Variants in MECOM observed in about 807,000 individuals in gnomAD.
MECOM encodes histone-lysine N-methyltransferase MECOM.
In MECOM, 13 loss-of-function variants were observed where a neutral mutation model predicts 116.3. The observed-to-expected ratio is 0.11, with a 90% CI of 0.07 to 0.18. The LOEUF is 0.18. Among genes scored for constraint, MECOM ranks in the 10% least tolerant of loss-of-function variants. MECOM has a pLI of 1.00. For synonymous variants in MECOM, 528 were observed against 535.2 expected (o/e 0.99, Z 0.19); for missense variants, 1,299 against 1,509.0 (o/e 0.86, Z 2.31).
chr3:169,181,079 G>A (rs930850436), intron 2 of MECOM, among the ~76,000 whole-genome samples: 2 of 152,072 alleles, frequency 1.3e-5, no homozygotes, highest in Non-Finnish European at 2.9e-5. Context: ...TAACTAACCT[G>A]TGAGGTACAT....
intron 1 of MECOM, among the ~76,000 whole-genome samples, chr3:169,517,989 A>G (rs571648347): frequency 1.1e-4 from 17 of 152,314 alleles, no homozygotes; most frequent in African/African-American, 2.4e-4. Flanking sequence ...GCCGGGCGCT[A>G]TGGCTCACGC....
chr3:169,273,762 G>T (rs1322064199), intron 2 of MECOM, among the ~76,000 whole-genome samples: 1 of 152,086 alleles, frequency 6.6e-6, no homozygotes, highest in African/African-American at 2.4e-5. Flanking sequence ...AGGGCAGCAA[G>T]AAGTTCCTAC....
intron 1 of MECOM, among the ~76,000 whole-genome samples, chr3:169,494,691 G>A (rs1001108972): frequency 1.3e-5 from 2 of 152,152 alleles, no homozygotes; most frequent in Admixed American, 6.5e-5. Context: ...ATTCTTCAAG[G>A]GAAGGTAGAG....
intron 2 of MECOM, among the ~76,000 whole-genome samples, chr3:169,263,111 A>G (rs1560060950): frequency 6.5e-4 from 46 of 70,332 alleles, no homozygotes; most frequent in East Asian, 2.7e-3. Context: ...ATATATATAT[A>G]TATATATATA....
rs148886253 is a variant in MECOM at position 169,278,774 on chromosome 3, G to A, written c.375+102413C>T. Among the ~76,000 whole-genome samples, 363 of 152,330 alleles carry A rather than the reference G, an allele frequency of 2.4e-3. 3 individuals are homozygous for A. The highest frequency in any genetic ancestry group is 8.3e-3 in the African/African-American group (346 of 41,580). ...AAAGGGAGCAATGAAGGTTCCTGAT[G>A]CATGACGAACTCAAGCTCCTTCTGG... On this transcript the variant is annotated intron_variant, in intron 2 of 16. Coordinates refer to ENST00000651503, the MANE Select transcript of MECOM (RefSeq NM_004991.4).
intron 2 of MECOM, among the ~76,000 whole-genome samples, chr3:169,212,250 C>A (rs1750818073): frequency 6.6e-6 from 1 of 152,020 alleles, no homozygotes; most frequent in African/African-American, 2.4e-5. Flanking sequence ...ACAACTGCTT[C>A]TCTCACAACA....
intron 1 of MECOM, among the ~76,000 whole-genome samples, chr3:169,521,179 T>C (rs979908860): frequency 1.3e-5 from 2 of 152,150 alleles, no homozygotes; most frequent in Non-Finnish European, 2.9e-5. Flanking sequence ...CCTAGGCTGG[T>C]TGGGTCCAGA....
intron 2 of MECOM, among the ~76,000 whole-genome samples, chr3:169,175,171 A>G (rs572545245): frequency 3.3e-5 from 5 of 152,286 alleles, no homozygotes; most frequent in South Asian, 2.1e-4. Context: ...CACTTACAAC[A>G]TATCAGGCAT....
At chr3:169,358,453 T>C (rs1258705071) in intron 2 of MECOM, among the ~76,000 whole-genome samples, 1 of 151,428 alleles carries the variant, frequency 6.6e-6, no homozygotes, top group Non-Finnish European at 1.5e-5. Flanking sequence ...AATCTACCTG[T>C]GAGTGGCCCT....
chr3:169,582,779 G>A (rs570768607), intron 1 of MECOM, among the ~76,000 whole-genome samples: 1 of 152,334 alleles, frequency 6.6e-6, no homozygotes, highest in East Asian at 1.9e-4. Context: ...GCAGCCAGGA[G>A]GAGGCACATT....
intron 9 of MECOM, among the ~76,000 whole-genome samples, chr3:169,110,291 A>G (rs1281987764): frequency 2.0e-5 from 3 of 152,192 alleles, no homozygotes; most frequent in Non-Finnish European, 4.4e-5. Context: ...GAAATTGGGC[A>G]TAAATATTTA....
chr3:169,360,314 T>TAA (rs1560173947), intron 2 of MECOM, among the ~76,000 whole-genome samples: 5 of 72,012 alleles, frequency 6.9e-5, no homozygotes, highest in South Asian at 3.9e-4. Flanking sequence ...AAAAAAAAGT[T>TAA]ACACCAAAAA....
At chr3:169,181,221 T>G (rs968460929) in intron 2 of MECOM, among the ~76,000 whole-genome samples, 2 of 152,170 alleles carry the variant, frequency 1.3e-5, no homozygotes, top group Non-Finnish European at 2.9e-5. Flanking sequence ...TTGACTTAAC[T>G]GTCTTTCTGT....
At chr3:169,499,863 G>A (rs1455063278) in intron 1 of MECOM, among the ~76,000 whole-genome samples, 1 of 151,968 alleles carries the variant, frequency 6.6e-6, no homozygotes, top group African/African-American at 2.4e-5. Context: ...AAATTATAAT[G>A]TATATTAAGG....
At chr3:169,472,464 GAAGGA>G (rs200628251) in intron 1 of MECOM, among the ~76,000 whole-genome samples, 3,069 of 63,792 alleles carry the variant, frequency 0.048, 236 homozygotes, top group East Asian at 0.11. Context: ...GGAAGGGAAA[GAAGGA>G]AAGGAAAGGA....
At chr3:169,461,716 G>C (rs1400724543) in intron 1 of MECOM, among the ~76,000 whole-genome samples, 4 of 152,116 alleles carry the variant, frequency 2.6e-5, no homozygotes, top group Non-Finnish European at 4.4e-5. Flanking sequence ...GTTAATCACA[G>C]CTGCCTGTGT....
intron 1 of MECOM, among the ~76,000 whole-genome samples, chr3:169,498,140 A>G (rs9637466): frequency 0.049 from 7,506 of 152,312 alleles, 416 homozygotes; most frequent in East Asian, 0.31. Flanking sequence ...AATTTGTACC[A>G]ATGTTCACAA....
rs1199068868 is a variant in MECOM at position 169,384,503 on chromosome 3, T to TA, written c.38-2980dup. Among the ~76,000 whole-genome samples, 3 of 152,250 alleles carry TA rather than the reference T, an allele frequency of 2.0e-5. No homozygotes were observed. In the South Asian group the frequency reaches 6.2e-4, roughly 32 times the overall value. ...AGCTCATTAATGGTCTTAGCACAGG[T>TA]AAAAACCTATAAAAACATCTCTTTA... On this transcript the variant is annotated intron_variant, in intron 1 of 16. Coordinates refer to ENST00000651503, the MANE Select transcript of MECOM (RefSeq NM_004991.4).
chr3:169,524,709 C>T (rs990933971), intron 1 of MECOM, among the ~76,000 whole-genome samples: 1 of 152,196 alleles, frequency 6.6e-6, no homozygotes, highest in African/African-American at 2.4e-5. Context: ...AGTAATTGCT[C>T]ATGGCCTCTC....
Sources: gnomAD v4.1 joint callset for allele counts (sites outside exome capture counted in the v4.1 genomes callset) on GRCh38, gnomAD v4.1.1 for gene constraint, MANE v1.5 for transcripts, NCBI Gene and HGNC (gene_info 2026-07-23, HGNC 2026-07-21) for gene names.